The following UBXN4 variants were observed in gnomAD, a reference collection of about 807,000 sequenced individuals.
UBXN4 encodes UBX domain-containing protein 4.
Under a neutral mutation model 66.2 loss-of-function variants are expected in UBXN4, and 35 were observed. The ratio of observed to expected loss-of-function variants is 0.53; its 90% confidence interval spans 0.40 to 0.70. The LOEUF is 0.70. Ranked by LOEUF, UBXN4 falls within the 30% of genes least tolerant of loss-of-function variation. The pLI is 0.00. For missense variants in UBXN4, 533 were observed against 599.8 expected, an observed-to-expected ratio of 0.89 and a Z score of 1.16; for synonymous variants, 203 against 204.5, an observed-to-expected ratio of 0.99 and a Z score of 0.06.
At chr2:135,778,891 C>T in intron 10 of UBXN4, 57 bp from the exon 11 acceptor site, 1 of 1,477,170 alleles carries the variant, frequency 6.8e-7, no homozygotes, top group Non-Finnish European at 9.0e-7. Flanking sequence ...TTGGATTCAT[C>T]TGAGTAATAT....
intron 6 of UBXN4, among the ~76,000 whole-genome samples, chr2:135,766,569 GGTTA>G (rs1480457113): frequency 1.3e-5 from 2 of 152,258 alleles, no homozygotes; most frequent in African/African-American, 2.4e-5. Context: ...GAAGAGTCTA[GGTTA>G]GTTGTTTCTA....
At position 135,742,881 on chromosome 2, in the gene UBXN4, T is replaced by A. The variant is rs149485286; in HGVS notation, c.82+870T>A. On this transcript the variant is annotated intron_variant, in intron 1 of 12. Coordinates refer to ENST00000272638, the MANE Select transcript of UBXN4 (RefSeq NM_014607.4). ...TGGTTTCTTCCCTTTGTTGTCTTCTTAGGCTAAAATCTACACGACTTTGAG... is the reference window on the plus strand; with the variant it reads ...TGGTTTCTTCCCTTTGTTGTCTTCTAAGGCTAAAATCTACACGACTTTGAG... The A allele has an allele frequency of 9.3e-4, 141 of 151,860 alleles. 1 individual carries two copies. Among genetic ancestry groups the A allele is most frequent in the African/African-American group, 3.2e-3 (131 of 41,380 alleles). The allele number at this position is 151,860 out of a possible 1,614,324, so 9.4% of individuals were successfully genotyped here.
intron 2 of UBXN4, among the ~76,000 whole-genome samples, chr2:135,749,142 G>GA (rs1367515226): frequency 6.6e-6 from 1 of 152,096 alleles, no homozygotes; most frequent in African/African-American, 2.4e-5. Context: ...GAATCCTGCT[G>GA]AAAAAACTTT....
intron 1 of UBXN4, among the ~76,000 whole-genome samples, chr2:135,742,213 G>T (rs962597408): frequency 6.6e-6 from 1 of 152,160 alleles, no homozygotes; most frequent in Non-Finnish European, 1.5e-5. Flanking sequence ...GACCCTCAGC[G>T]CCCTGCTCCT....
At chr2:135,761,969 T>C in intron 6 of UBXN4, 58 bp downstream of exon 6, 1 of 1,499,132 alleles carries the variant, frequency 6.7e-7, no homozygotes, top group Non-Finnish European at 9.1e-7. Context: ...TTTTCAGTTA[T>C]TTCATTAATT....
intron 6 of UBXN4, among the ~76,000 whole-genome samples, chr2:135,764,674 T>A (rs889602400): frequency 1.1e-4 from 17 of 152,090 alleles, no homozygotes; most frequent in African/African-American, 3.9e-4. Flanking sequence ...GGCTAATTTT[T>A]AAAATATTTT....
chr2:135,743,947 T>G (rs2105489009), intron 1 of UBXN4, among the ~76,000 whole-genome samples: 1 of 152,346 alleles, frequency 6.6e-6, no homozygotes, highest in Non-Finnish European at 1.5e-5. Context: ...CTTGAATGTT[T>G]GCAGGAAGAC....
At chr2:135,778,185 A>AC (rs1294815648) in intron 10 of UBXN4, among the ~76,000 whole-genome samples, 1 of 149,410 alleles carries the variant, frequency 6.7e-6, no homozygotes, top group African/African-American at 2.4e-5. Context: ...AAAAAAAAAA[A>AC]AAACAAAAAA....
intron 1 of UBXN4, among the ~76,000 whole-genome samples, 172 bp downstream of exon 1, chr2:135,742,183 T>TC (rs1013514084): frequency 6.6e-6 from 1 of 152,016 alleles, no homozygotes; most frequent in Non-Finnish European, 1.5e-5. Flanking sequence ...CGCCGCCAGA[T>TC]CCCCCAGAGG....
intron 9 of UBXN4, among the ~76,000 whole-genome samples, chr2:135,774,778 G>C (rs938813694): frequency 8.6e-5 from 13 of 151,870 alleles, no homozygotes; most frequent in Admixed American, 2.0e-4. Flanking sequence ...CAGGGAGGCG[G>C]AGGTTGTAGT....
rs535503415 is a variant in UBXN4, at chr2:135,762,910, G to C, written c.602+999G>C. Among the ~76,000 whole-genome samples, 6 of 152,310 alleles carry C rather than the reference G, an allele frequency of 3.9e-5. No individual in the cohort carries two copies. In the East Asian group the frequency reaches 5.8e-4, roughly 15 times the overall value. ...AGTGAAAATAAAAAATCTGGAAAAGGGTTTGGAGACTTGGGGCAAAAACCT... is the reference window on the plus strand; with the variant it reads ...AGTGAAAATAAAAAATCTGGAAAAGCGTTTGGAGACTTGGGGCAAAAACCT... On this transcript the variant is annotated intron_variant, in intron 6 of 12. Transcript: ENST00000272638.
At position 135,783,909 on chromosome 2, in the gene UBXN4, A is replaced by T. The variant is rs1040557322; in HGVS notation, c.*1022A>T. 14 of 152,196 alleles carry T rather than the reference A, an allele frequency of 9.2e-5. No homozygotes were observed. Among genetic ancestry groups the T allele is most frequent in the African/African-American group, 3.4e-4 (14 of 41,458 alleles). The allele number at this position is 152,196 out of a possible 1,614,324, so 9.4% of individuals were successfully genotyped here. ...GAGACCGCTAAACTAATGATGTTTG[A>T]AAACAGTTCCTCTGTTTTAGATTGG... is the stretch of plus-strand genomic sequence containing the variant. On this transcript the variant is annotated 3_prime_UTR_variant, in exon 13 of 13. Coordinates refer to ENST00000272638, the MANE Select transcript of UBXN4 (RefSeq NM_014607.4).
rs891686788 is a variant in UBXN4 at position 135,784,599 on chromosome 2, TGAAAAA to T, written c.*1718_*1723del. 2 of 152,582 alleles carry T rather than the reference TGAAAAA, an allele frequency of 1.3e-5. No individual in the cohort carries two copies. The highest frequency in any genetic ancestry group is 2.9e-5 in the Non-Finnish European group (2 of 68,014). The allele number at this position is 152,582 out of a possible 1,614,324, so 9.5% of individuals were successfully genotyped here. ...ATTTCCATAACTTAAAAAGTGAGTT[TGAAAAA>T]GAAAATCTCCAGCAAGCATCTCATT... On this transcript the variant is annotated 3_prime_UTR_variant, in exon 13 of 13. Transcript: ENST00000272638.
chr2:135,779,927 GTATAC>G (rs1331077803), intron 11 of UBXN4, among the ~76,000 whole-genome samples: 8 of 144,786 alleles, frequency 5.5e-5, no homozygotes, highest in Admixed American at 4.9e-4. Flanking sequence ...TAAAATAATT[GTATAC>G]TATACAATTA....
intron 8 of UBXN4, among the ~76,000 whole-genome samples, chr2:135,771,567 T>C (rs978963759): frequency 6.6e-6 from 1 of 152,174 alleles, no homozygotes; most frequent in African/African-American, 2.4e-5. Context: ...GCATTTATTA[T>C]TTATTTATTT....
intron 12 of UBXN4, among the ~76,000 whole-genome samples, chr2:135,781,644 A>G (rs1359083593): frequency 1.3e-5 from 2 of 152,230 alleles, no homozygotes; most frequent in Admixed American, 6.5e-5. Context: ...CCAGTTACCT[A>G]CTAAGTACGT....
intron 1 of UBXN4, among the ~76,000 whole-genome samples, chr2:135,742,931 C>T (rs2077185893): frequency 6.6e-6 from 1 of 152,160 alleles, no homozygotes; most frequent in African/African-American, 2.4e-5. Flanking sequence ...CATATATTCT[C>T]TGTTGCTCTA....
chr2:135,749,223 T>G (rs2077228012), intron 2 of UBXN4, among the ~76,000 whole-genome samples: 1 of 152,176 alleles, frequency 6.6e-6, no homozygotes, highest in Non-Finnish European at 1.5e-5. Context: ...CATCTCCAGC[T>G]TCTAAAAACT....
Position 135,780,331 on chromosome 2 carries a change from G to GA in UBXN4, c.1335dup (p.Val446SerfsTer13). ...CCGCCTCCCACACAGACTTCAGTGAGAGTAACATCGTCAGAACCCCCAAAC... is the reference window on the plus strand; with the variant it reads ...CCGCCTCCCACACAGACTTCAGTGAGAAGTAACATCGTCAGAACCCCCAAAC... On this transcript the variant is annotated frameshift_variant, in exon 12 of 13. Coordinates refer to ENST00000272638, the MANE Select transcript of UBXN4 (RefSeq NM_014607.4). LOFTEE classifies it high-confidence loss of function. 1 of 1,614,142 alleles carries GA rather than the reference G, an allele frequency of 6.2e-7. No homozygotes were observed. The highest frequency in any genetic ancestry group is 1.1e-5 in the South Asian group (1 of 91,078).
Sources: gnomAD v4.1 joint callset for allele counts (sites outside exome capture counted in the v4.1 genomes callset) on GRCh38, gnomAD v4.1.1 for gene constraint, MANE v1.5 for transcripts, NCBI Gene and HGNC (gene_info 2026-07-23, HGNC 2026-07-21) for gene names.